The following CFAP97 variants were observed in gnomAD, a reference collection of about 807,000 sequenced individuals.
The protein encoded by CFAP97 is cilia and flagella associated protein 97, also known as cilia- and flagella-associated protein 97.
A neutral mutation model predicts 43.1 loss-of-function variants in CFAP97; 36 were observed. That is an observed-to-expected ratio of 0.84 (90% CI 0.64 to 1.10). The LOEUF (loss-of-function observed/expected upper bound fraction) is 1.10, where lower values mean the gene tolerates loss of function less well. CFAP97 is among the 50% of genes least tolerant of loss of function. The pLI, the probability that CFAP97 is intolerant of heterozygous loss-of-function variation, is 0.00. For synonymous variants in CFAP97, 228 were observed against 225.7 expected (o/e 1.01, Z -0.09); for missense variants, 657 against 620.3 (o/e 1.06, Z -0.63).
intron 1 of CFAP97, among the ~76,000 whole-genome samples, chr4:185,201,855 G>C (rs575196319): frequency 6.6e-6 from 1 of 151,978 alleles, no homozygotes; most frequent in African/African-American, 2.4e-5. Flanking sequence ...TCTTCATGTC[G>C]TATCTCCACA....
chr4:185,209,782 C>CG, upstream of CFAP97: 3 of 983,670 alleles, frequency 3.0e-6, no homozygotes, highest in Non-Finnish European at 3.6e-6. This position sits in a 1 kb window ranked among gnomAD's most constrained non-coding sequence, Gnocchi z 5.2. Flanking sequence ...GGCGGGGGAC[C>CG]GGGGGGCAGG....
intron 1 of CFAP97, among the ~76,000 whole-genome samples, chr4:185,200,621 A>G (rs1372536035): frequency 6.6e-6 from 1 of 151,520 alleles, no homozygotes; most frequent in Non-Finnish European, 1.5e-5. Context: ...CCAGCGGGTG[A>G]CAGAGTGAGA....
At position 185,161,996 on chromosome 4, in the gene CFAP97, T is replaced by C. The variant is rs1048896562; in HGVS notation, c.*802A>G. 6.6e-6 allele frequency: 1 copy of C among 152,220 alleles called. No homozygotes were observed. The highest frequency in any genetic ancestry group is 1.5e-5 in the Non-Finnish European group (1 of 68,034). 9.4% of individuals were successfully genotyped at this position (152,220 alleles called of 1,614,324 possible). On this transcript the variant is annotated 3_prime_UTR_variant, in exon 5 of 5. Transcript: ENST00000458385. ...GCCATTTTACTGATTCAACAAATACTTGGTTTGCAACTGATGTGGTCCTTA... is the reference window on the plus strand; with the variant it reads ...GCCATTTTACTGATTCAACAAATACCTGGTTTGCAACTGATGTGGTCCTTA...
intron 1 of CFAP97, among the ~76,000 whole-genome samples, chr4:185,197,390 T>C (rs1331084857): frequency 6.6e-6 from 1 of 152,122 alleles, no homozygotes; most frequent in Non-Finnish European, 1.5e-5. Flanking sequence ...CTGCTGGATT[T>C]TACTGGCGAA....
At chr4:185,195,093 A>G (rs937218812) in intron 1 of CFAP97, among the ~76,000 whole-genome samples, 2 of 152,208 alleles carry the variant, frequency 1.3e-5, no homozygotes, top group Non-Finnish European at 2.9e-5. Context: ...TTTACTGTCT[A>G]TTAAGAGGAA....
chr4:185,187,555 A>G lies in CFAP97; in HGVS notation c.1054+2588T>C, dbSNP rs558939654. ...AGAGACTTGAGAAACAGGGAGAAGC[A>G]GAGCCCTCTGCAAAGAAAAAGGGCC... On this transcript the variant is annotated intron_variant, in intron 2 of 4. Transcript: ENST00000458385. 1.7e-3 allele frequency among the ~76,000 whole-genome samples: 258 copies of G among 152,102 alleles called. 1 individual carries two copies. The highest frequency in any genetic ancestry group is 3.4e-3 in the Middle Eastern group (1 of 294).
intron 4 of CFAP97, among the ~76,000 whole-genome samples, chr4:185,163,645 TA>T (rs1377096354): frequency 6.6e-6 from 1 of 151,982 alleles, no homozygotes; most frequent in Admixed American, 6.5e-5. Flanking sequence ...ATCCAGTAAG[TA>T]AGAAAAAGCA....
chr4:185,189,220 G>C (rs1736128993), intron 2 of CFAP97, among the ~76,000 whole-genome samples: 2 of 152,218 alleles, frequency 1.3e-5, no homozygotes, highest in Admixed American at 1.3e-4. Flanking sequence ...CTGGATGACA[G>C]AGAAAGACCT....
upstream of CFAP97, chr4:185,207,771 T>A (rs1267583336): frequency 2.0e-5 from 3 of 152,158 alleles, no homozygotes; most frequent in Admixed American, 6.5e-5. Flanking sequence ...TAGATGGAGA[T>A]AATGGTATCC....
At chr4:185,209,923 C>T, upstream of CFAP97, 1 of 983,186 alleles carries the variant, frequency 1.0e-6, no homozygotes. This position sits in a 1 kb window ranked among gnomAD's most constrained non-coding sequence, Gnocchi z 5.2. Context: ...CAGGGGCGAG[C>T]GGCGGCCGGA....
intron 2 of CFAP97, among the ~76,000 whole-genome samples, chr4:185,188,322 C>CATAT (rs34441960): frequency 1.1e-3 from 160 of 149,716 alleles, no homozygotes; most frequent in South Asian, 8.3e-3. Context: ...CACCTGGCTT[C>CATAT]ATATATATAT....
intron 3 of CFAP97, among the ~76,000 whole-genome samples, chr4:185,168,653 G>A (rs763578106): frequency 2.6e-4 from 40 of 152,094 alleles, no homozygotes; most frequent in Non-Finnish European, 5.0e-4. Context: ...CCAGCACTTT[G>A]GGAGGCTGAG....
At chr4:185,204,375 T>C (rs1227341518), upstream of CFAP97, 3 of 152,262 alleles carry the variant, frequency 2.0e-5, no homozygotes, top group African/African-American at 7.2e-5. Flanking sequence ...TGTGATATTT[T>C]CTATCAGCAA....
In CFAP97 at chr4:185,162,925, C is replaced by T. The variant is rs1370444608; in HGVS notation, c.1472G>A (p.Arg491Lys). The T allele has an allele frequency of 1.3e-6, 2 of 1,549,090 alleles. No homozygotes were observed. Among genetic ancestry groups the T allele is most frequent in the Admixed American group, 4.6e-5 (2 of 43,016 alleles). The stretch of plus-strand genomic sequence containing the variant: ...CGTAGCACTGGATGTCCTGGAAGCT[C>T]CTGAAAATATAAAAAGAAGAAATAT... ...RSTLGQYSPL[R>K]ASRTSSATSG... Residue 491 changes from arginine to lysine, a missense_variant and splice_region_variant, in exon 5 of 5, where the codon AGA becomes AAA. Arg to Lys is a conservative substitution (Grantham distance 26). Transcript: ENST00000458385.
At chr4:185,167,409 G>A (rs1735114011) in intron 3 of CFAP97, among the ~76,000 whole-genome samples, 1 of 152,120 alleles carries the variant, frequency 6.6e-6, no homozygotes, top group Non-Finnish European at 1.5e-5. Flanking sequence ...GGCTGCAAGT[G>A]AGTCATGATC....
intron 4 of CFAP97, 23 bp from the exon 5 acceptor site, chr4:185,162,948 T>C (rs746967089): frequency 6.6e-7 from 1 of 1,515,822 alleles, no homozygotes. Flanking sequence ...AAAGAAGAAA[T>C]ATCTGAGAAA....
chr4:185,168,711 G>A (rs1735166856), intron 3 of CFAP97, among the ~76,000 whole-genome samples: 1 of 152,092 alleles, frequency 6.6e-6, no homozygotes, highest in Non-Finnish European at 1.5e-5. Flanking sequence ...TGGCCAACAT[G>A]GCGAAACCCC....
chr4:185,185,633 CTT>C (rs376786641), intron 2 of CFAP97, among the ~76,000 whole-genome samples: 3,181 of 105,828 alleles, frequency 0.03, 34 homozygotes, highest in East Asian at 0.12. Flanking sequence ...ATTTGCCAAC[CTT>C]TTTTTTTTTT....
rs1479360078 is a variant in CFAP97, at chr4:185,192,756, T to TG, written c.-16-1545_-16-1544insC. ...TTCTTTTTTTTTTTTTTTTTTTTTT[T>TG]TTGAGACGGAGTCTCGCTCTGTCAC... On this transcript the variant is annotated intron_variant, in intron 1 of 4. Coordinates refer to ENST00000458385, the MANE Select transcript of CFAP97 (RefSeq NM_020827.3). Among the ~76,000 whole-genome samples the TG allele has an allele frequency of 1.4e-4, 21 of 144,882 alleles. 1 individual carries two copies. Among genetic ancestry groups the TG allele is most frequent in the African/African-American group, 4.5e-4 (17 of 37,888 alleles).
Sources: allele counts gnomAD v4.1 joint callset (sites outside exome capture counted in the v4.1 genomes callset), GRCh38; gene constraint gnomAD v4.1.1; non-coding constraint Gnocchi (gnomAD v3.1); transcripts MANE v1.5; gene names NCBI Gene and HGNC (gene_info 2026-07-23, HGNC 2026-07-21).